The following FRAS1 variants were observed in gnomAD, a reference collection of about 807,000 sequenced individuals.
The protein encoded by FRAS1 is Fraser extracellular matrix complex subunit 1, also known as extracellular matrix organizing protein FRAS1.
FRAS1 carries 290 observed loss-of-function variants against 435.2 expected under a neutral mutation model. The ratio of observed to expected loss-of-function variants is 0.67; its 90% CI spans 0.61 to 0.73. The LOEUF is 0.73. Among genes scored for constraint, FRAS1 ranks in the 30% least tolerant of loss-of-function variants. The pLI is 0.00. For missense variants in FRAS1, 4,860 were observed against 5,001.5 expected, an observed-to-expected ratio of 0.97 and a Z score of 0.85; for synonymous variants, 1,800 against 1,851.0, an observed-to-expected ratio of 0.97 and a Z score of 0.71.
Position 78,163,321 on chromosome 4 carries a change from C to T in FRAS1, c.109-74189C>T, listed in dbSNP as rs566968608. Among the ~76,000 whole-genome samples the T allele has an allele frequency of 1.8e-4, 28 of 152,206 alleles. No homozygotes were observed. The South Asian group carries it at 5.4e-3, about 29-fold the overall frequency. ...ATTTCTCATTCTTTGAAAATTTTGG[C>T]TTTTTCTCCCTATTGTAAGAAAAGT... On this transcript the variant is annotated intron_variant, in intron 2 of 73. Coordinates refer to ENST00000512123, the MANE Select transcript of FRAS1 (RefSeq NM_025074.7).
rs1295536103 is a variant in FRAS1 at position 78,515,979 on chromosome 4, A to ACGTCTGTGGGGGCTCTGTAAC, written c.10358_10378dup (p.Val3453_Thr3459dup). 1 of 1,613,570 alleles carries ACGTCTGTGGGGGCTCTGTAAC rather than the reference A, an allele frequency of 6.2e-7. No homozygotes were observed. Among genetic ancestry groups the ACGTCTGTGGGGGCTCTGTAAC allele is most frequent in the Admixed American group, 1.7e-5 (1 of 60,000 alleles). ...TATTATGACATGACTGAGCTGATTGACGTCTGTGGGGGCTCTGTAACCGCT... is the reference window on the plus strand; with the variant it reads ...TATTATGACATGACTGAGCTGATTGACGTCTGTGGGGGCTCTGTAACCGTCTGTGGGGGCTCTGTAACCGCT... On this transcript the variant is annotated inframe_insertion, in exon 66 of 74. Coordinates refer to ENST00000512123, the MANE Select transcript of FRAS1 (RefSeq NM_025074.7).
intron 4 of FRAS1, among the ~76,000 whole-genome samples, chr4:78,251,918 T>TGAGAGAGAGAGA (rs35796361): frequency 6.7e-6 from 1 of 148,604 alleles, no homozygotes; most frequent in East Asian, 2.0e-4. Flanking sequence ...CTGGAACAGT[T>TGAGAGAGAGAGA]GAGAGAGAGA....
chr4:78,367,481 T>C (rs1731323117), intron 22 of FRAS1, among the ~76,000 whole-genome samples: 1 of 151,328 alleles, frequency 6.6e-6, no homozygotes, highest in South Asian at 2.1e-4. Flanking sequence ...CCTCAGACAC[T>C]AGGGCAAGAA....
chr4:78,320,535 C>T (rs367968834), intron 18 of FRAS1, among the ~76,000 whole-genome samples: 58 of 152,212 alleles, frequency 3.8e-4, no homozygotes, highest in African/African-American at 1.3e-3. Context: ...CAGTCACTTC[C>T]GCTTTCTGGC....
chr4:78,302,102 G>T (rs1728438849), intron 14 of FRAS1, among the ~76,000 whole-genome samples: 1 of 151,272 alleles, frequency 6.6e-6, no homozygotes, highest in Admixed American at 6.6e-5. Context: ...AGAATATGCG[G>T]TGTTTGGTTT....
intron 20 of FRAS1, among the ~76,000 whole-genome samples, chr4:78,346,555 T>C (rs1490708838): frequency 2.6e-5 from 4 of 152,202 alleles, no homozygotes; most frequent in African/African-American, 9.6e-5. Flanking sequence ...CCTCTCTTGC[T>C]TCTCGACATC....
intron 4 of FRAS1, among the ~76,000 whole-genome samples, chr4:78,249,070 T>TC (rs1560602591): frequency 2.8e-5 from 3 of 109,044 alleles, no homozygotes; most frequent in African/African-American, 9.3e-5. Flanking sequence ...TATGCATATA[T>TC]ATATATATAT....
intron 73 of FRAS1, 46 bp from the exon 74 acceptor site, chr4:78,540,485 G>C (rs770643757): frequency 8.0e-7 from 1 of 1,257,646 alleles, no homozygotes. Context: ...TTTCTTCAGA[G>C]GTGGTCTGTG....
chr4:78,540,603 G>A lies in FRAS1; in HGVS notation c.11518G>A (p.Val3840Ile). 6.4e-7 allele frequency: 1 copy of A among 1,550,794 alleles called. No homozygotes were observed. Among genetic ancestry groups the A allele is most frequent in the South Asian group, 1.3e-5 (1 of 79,782 alleles). Reference sequence around the variant, plus strand: ...CCCTGACACCATCTCAGGGCCCCGGGTCCAGCGCTCTCTCACAGCTCCACT... The same window carrying A: ...CCCTGACACCATCTCAGGGCCCCGGATCCAGCGCTCTCTCACAGCTCCACT... The part of the protein sequence containing the change: ...IGPDTISGPR[V>I]QRSLTAPLRR... Residue 3840 changes from valine (V) to isoleucine (I), a missense_variant, in exon 74 of 74, where the codon GTC becomes ATC. Val to Ile is a conservative substitution (Grantham distance 29, BLOSUM62 3). Coordinates refer to ENST00000512123, the MANE Select transcript of FRAS1 (RefSeq NM_025074.7).
intron 29 of FRAS1, among the ~76,000 whole-genome samples, chr4:78,392,629 AC>A (rs1732491831): frequency 6.6e-6 from 1 of 152,076 alleles, no homozygotes; most frequent in African/African-American, 2.4e-5. Context: ...AATTAGAAGA[AC>A]TATTTAATTT....
intron 2 of FRAS1, among the ~76,000 whole-genome samples, chr4:78,177,087 G>GTTT (rs35373726): frequency 7.5e-6 from 1 of 133,328 alleles, no homozygotes; most frequent in Non-Finnish European, 1.6e-5. Context: ...AGTGATGTGA[G>GTTT]TTTTTTTTTT....
intron 2 of FRAS1, among the ~76,000 whole-genome samples, chr4:78,132,986 C>A (rs981307506): frequency 2.6e-5 from 4 of 152,108 alleles, no homozygotes; most frequent in Non-Finnish European, 5.9e-5. Context: ...ATAAGTTCAG[C>A]CAAACTTGAA....
intron 25 of FRAS1, among the ~76,000 whole-genome samples, chr4:78,374,981 C>T (rs559625180): frequency 3.3e-4 from 50 of 152,266 alleles, no homozygotes; most frequent in African/African-American, 1.1e-3. Context: ...TTAATCACAG[C>T]AGCTTAAGAT....
At chr4:78,122,975 G>A (rs1462895975) in intron 2 of FRAS1, among the ~76,000 whole-genome samples, 1 of 152,084 alleles carries the variant, frequency 6.6e-6, no homozygotes, top group Non-Finnish European at 1.5e-5. Flanking sequence ...AAGCTCTTTA[G>A]TTTAATTAGA....
At position 78,526,537 on chromosome 4, in the gene FRAS1, C is replaced by T. The variant is rs1373499243; in HGVS notation, c.10809-4C>T. 6.4e-7 allele frequency: 1 copy of T among 1,573,274 alleles called. No homozygotes were observed. Among genetic ancestry groups the T allele is most frequent in the Non-Finnish European group, 8.7e-7 (1 of 1,155,816 alleles). ...CGATCACAGTCTGCTCTGCATGTTT[C>T]CAGGAAGGACTACTCAGGAGAGTAC... is the stretch of plus-strand genomic sequence containing the variant. On this transcript the variant is annotated splice_polypyrimidine_tract_variant and splice_region_variant and intron_variant, in intron 69 of 73. Transcript: ENST00000512123.
chr4:78,103,331 T>C (rs1742226193), intron 2 of FRAS1, among the ~76,000 whole-genome samples: 1 of 152,148 alleles, frequency 6.6e-6, no homozygotes, highest in African/African-American at 2.4e-5. Flanking sequence ...CTGGAAATGG[T>C]TTAGTTTTCT....
chr4:78,500,526 T>C (rs572046004), intron 61 of FRAS1, among the ~76,000 whole-genome samples: 17 of 152,196 alleles, frequency 1.1e-4, no homozygotes, highest in Non-Finnish European at 2.9e-5. Context: ...GGTTGAACTG[T>C]ATGCTAGGTT....
chr4:78,404,473 A>G (rs1377474215), intron 30 of FRAS1, among the ~76,000 whole-genome samples: 1 of 151,300 alleles, frequency 6.6e-6, no homozygotes, highest in African/African-American at 2.4e-5. Context: ...ATAGGTTGAT[A>G]TTTCTCCTTG....
intron 35 of FRAS1, among the ~76,000 whole-genome samples, chr4:78,425,295 T>C (rs999842867): frequency 1.3e-5 from 2 of 152,114 alleles, no homozygotes; most frequent in African/African-American, 4.8e-5. Flanking sequence ...AACTTGGGTG[T>C]GGAAGACCTC....
Sources: allele counts gnomAD v4.1 joint callset (sites outside exome capture counted in the v4.1 genomes callset), GRCh38; gene constraint gnomAD v4.1.1; transcripts MANE v1.5; gene names NCBI Gene and HGNC (gene_info 2026-07-23, HGNC 2026-07-21).